The following CTNNA3 variants were observed in gnomAD, a reference collection of about 807,000 sequenced individuals.
CTNNA3 encodes catenin alpha 3.
CTNNA3 carries 76 observed loss-of-function variants against 95.7 expected under a neutral mutation model. The observed-to-expected ratio is 0.79, with a 90% CI of 0.66 to 0.96. The LOEUF is 0.96. CTNNA3 is among the 40% of genes least tolerant of loss of function. The pLI is 0.00. For missense variants in CTNNA3, 1,191 were observed against 1,089.8 expected (o/e 1.09, Z -1.31); for synonymous variants, 431 against 374.4 (o/e 1.15, Z -1.74).
At chr10:67,127,945 C>A (rs1859801296) in intron 7 of CTNNA3, among the ~76,000 whole-genome samples, 1 of 152,166 alleles carries the variant, frequency 6.6e-6, no homozygotes, top group East Asian at 1.9e-4. Context: ...TGGGTTTAAT[C>A]GTTCACATTA....
In CTNNA3 at chr10:66,771,271, G is replaced by A. The variant is rs780788504; in HGVS notation, c.1128+4173C>T. Reference sequence around the variant, plus strand: ...TATACACAAATACAAATTTTAGCCTGCCTTTAGTGAAATCAAATATATTTT... The same window carrying A: ...TATACACAAATACAAATTTTAGCCTACCTTTAGTGAAATCAAATATATTTT... On this transcript the variant is annotated intron_variant, in intron 8 of 17. Coordinates refer to ENST00000433211, the MANE Select transcript of CTNNA3 (RefSeq NM_013266.4). 2.0e-4 allele frequency among the ~76,000 whole-genome samples: 30 copies of A among 152,160 alleles called. 1 individual carries two copies. Among genetic ancestry groups the A allele is most frequent in the East Asian group, 3.9e-4 (2 of 5,176 alleles).
chr10:66,276,770 A>G (rs948770649), intron 13 of CTNNA3, among the ~76,000 whole-genome samples: 1 of 152,088 alleles, frequency 6.6e-6, no homozygotes, highest in African/African-American at 2.4e-5. Context: ...TCTAGTAAGT[A>G]CTAACTCTAT....
intron 15 of CTNNA3, among the ~76,000 whole-genome samples, chr10:66,026,951 CTT>C (rs1193261282): frequency 6.6e-6 from 1 of 151,906 alleles, no homozygotes; most frequent in African/African-American, 2.4e-5. Flanking sequence ...TATTTTTTCT[CTT>C]AAGTTCAGAT....
intron 13 of CTNNA3, among the ~76,000 whole-genome samples, chr10:66,154,424 T>C (rs1589573959): frequency 6.6e-6 from 1 of 151,684 alleles, no homozygotes; most frequent in East Asian, 1.9e-4. Flanking sequence ...TATAGCACAT[T>C]CACAAAAGAC....
intron 7 of CTNNA3, among the ~76,000 whole-genome samples, chr10:66,930,229 T>C (rs1248319607): frequency 6.6e-6 from 1 of 152,200 alleles, no homozygotes; most frequent in African/African-American, 2.4e-5. Context: ...TGATTAAATC[T>C]TACAATAGAT....
At chr10:67,751,468 A>G (rs140603803) in intron 1 of CTNNA3, among the ~76,000 whole-genome samples, 5 of 152,304 alleles carry the variant, frequency 3.3e-5, no homozygotes, top group African/African-American at 1.2e-4. Flanking sequence ...CACTTATCTG[A>G]ACAAATGTCT....
intron 15 of CTNNA3, among the ~76,000 whole-genome samples, chr10:66,036,646 G>A (rs958433482): frequency 1.3e-5 from 2 of 152,086 alleles, no homozygotes; most frequent in Non-Finnish European, 2.9e-5. Flanking sequence ...AATGTGTTAG[G>A]ATTACAGGGG....
Position 66,685,333 on chromosome 10 carries a change from A to G in CTNNA3, c.1282-63549T>C, listed in dbSNP as rs1247707913. On this transcript the variant is annotated intron_variant, in intron 9 of 17. Transcript: ENST00000433211. ...TGTGTGTGTGTATGTGTGTATATAT[A>G]TATATATATATATATATATTTTTTT... Among the ~76,000 whole-genome samples the G allele has an allele frequency of 1.6e-3, 86 of 53,896 alleles. 1 individual carries two copies. The highest frequency in any genetic ancestry group is 0.017 in the Middle Eastern group (1 of 58). The allele number at this position is 53,896 out of a possible 152,430, so 35.4% of individuals were successfully genotyped here. A position where few individuals can be genotyped will look rare whatever the true frequency, so the allele number is the denominator to read the frequency against.
chr10:66,934,911 TAGTC>T (rs1285413640), intron 7 of CTNNA3, among the ~76,000 whole-genome samples: 5 of 152,228 alleles, frequency 3.3e-5, no homozygotes, highest in Admixed American at 6.5e-5. Context: ...TGTAAATCCT[TAGTC>T]AGCATTCTTG....
chr10:67,115,122 C>A lies in CTNNA3; in HGVS notation c.1047+65195G>T, dbSNP rs74605678. ...ACACACCACAGATTCCATCTCTGGG[C>A]TAATATTTGACTAACTTCAAGATTA... On this transcript the variant is annotated intron_variant, in intron 7 of 17. Coordinates refer to ENST00000433211, the MANE Select transcript of CTNNA3 (RefSeq NM_013266.4). 1.7e-3 allele frequency among the ~76,000 whole-genome samples: 264 copies of A among 152,184 alleles called. 7 individuals are homozygous for A. The East Asian group carries it at 0.04, about 23-fold the overall frequency.
intron 12 of CTNNA3, among the ~76,000 whole-genome samples, chr10:66,357,030 A>G (rs1014745856): frequency 3.9e-5 from 6 of 152,058 alleles, no homozygotes; most frequent in Non-Finnish European, 7.4e-5. Context: ...AGGTTTTTGC[A>G]TCTACGTTCA....
chr10:66,193,246 A>T (rs1304033482), intron 13 of CTNNA3, among the ~76,000 whole-genome samples: 1 of 152,192 alleles, frequency 6.6e-6, no homozygotes, highest in African/African-American at 2.4e-5. Context: ...GTAAACCTTC[A>T]GGTTTTTTCT....
intron 17 of CTNNA3, among the ~76,000 whole-genome samples, chr10:65,961,266 G>A (rs1162132546): frequency 6.6e-6 from 1 of 151,928 alleles, no homozygotes; most frequent in Non-Finnish European, 1.5e-5. Flanking sequence ...AATTGAGTCT[G>A]TGCCACCATA....
intron 13 of CTNNA3, among the ~76,000 whole-genome samples, chr10:66,107,985 A>C (rs376657663): frequency 5.3e-5 from 8 of 151,994 alleles, no homozygotes; most frequent in Non-Finnish European, 1.0e-4. Flanking sequence ...AAAATCAAAT[A>C]ACCACCACAG....
intron 10 of CTNNA3, among the ~76,000 whole-genome samples, chr10:66,581,766 T>C (rs1269419485): frequency 6.6e-6 from 1 of 151,642 alleles, no homozygotes. Flanking sequence ...CTAGATCTTT[T>C]ATGGTTTCAG....
intron 7 of CTNNA3, among the ~76,000 whole-genome samples, chr10:67,075,106 G>A (rs1856678729): frequency 6.6e-6 from 1 of 151,376 alleles, no homozygotes; most frequent in Non-Finnish European, 1.5e-5. Context: ...TACATTTGTA[G>A]TTACTAAGGC....
At chr10:66,551,599 T>C (rs1842216980) in intron 10 of CTNNA3, among the ~76,000 whole-genome samples, 1 of 152,172 alleles carries the variant, frequency 6.6e-6, no homozygotes, top group Non-Finnish European at 1.5e-5. Flanking sequence ...CCTTTTGATA[T>C]TGTCTTATAA....
chr10:66,743,845 G>A (rs747407822), intron 9 of CTNNA3, among the ~76,000 whole-genome samples: 1 of 151,990 alleles, frequency 6.6e-6, no homozygotes, highest in South Asian at 2.1e-4. Context: ...GCACAGTGGC[G>A]TGTGCCTGTG....
At chr10:66,796,167 C>A (rs188550684) in intron 7 of CTNNA3, among the ~76,000 whole-genome samples, 1 of 152,186 alleles carries the variant, frequency 6.6e-6, no homozygotes, top group East Asian at 1.9e-4. Flanking sequence ...TAGCGTTTGG[C>A]CTGTCTTGGC....
Sources: gnomAD v4.1 joint callset for allele counts (sites outside exome capture counted in the v4.1 genomes callset) on GRCh38, gnomAD v4.1.1 for gene constraint, MANE v1.5 for transcripts, NCBI Gene and HGNC (gene_info 2026-07-23, HGNC 2026-07-21) for gene names.